Variants in DLGAP2 observed in about 807,000 individuals in gnomAD.
DLGAP2 encodes the protein disks large-associated protein 2.
Under a neutral mutation model 100.3 loss-of-function variants are expected in DLGAP2, and 26 were observed. That is an observed-to-expected ratio of 0.26 (90% CI 0.19 to 0.36). DLGAP2 has a LOEUF of 0.36. Ranked by LOEUF, DLGAP2 falls within the 10% of genes least tolerant of loss-of-function variation. The probability of loss-of-function intolerance (pLI) is 1.00; values close to 1 mark genes in which losing one functional copy is unlikely to be tolerated. For synonymous variants in DLGAP2, 886 were observed against 630.1 expected (o/e 1.41, Z -6.08); for missense variants, 1,858 against 1,453.2 (o/e 1.28, Z -4.53).
chr8:1,431,090 C>G (rs994763158), intron 3 of DLGAP2, among the ~76,000 whole-genome samples: 1 of 152,180 alleles, frequency 6.6e-6, no homozygotes, highest in Non-Finnish European at 1.5e-5. Context: ...AAATGGGAAG[C>G]AAAGGCTACT....
chr8:1,117,049 G>T (rs553236342), intron 2 of DLGAP2, among the ~76,000 whole-genome samples: 1 of 152,330 alleles, frequency 6.6e-6, no homozygotes, highest in African/African-American at 2.4e-5. Context: ...CTTCTCTGCA[G>T]GATCCCAAAG....
Position 1,678,410 on chromosome 8 carries a change from T to C in DLGAP2, c.2485T>C (p.Tyr829His), listed in dbSNP as rs1798862433. ...TGTACGGACCCAGGGGCTCTTCAGC[T>C]ATAGAGAAGACTATCGGACCCAAGT... Reference protein sequence around the residue: ...RTVRTQGLFSYREDYRTQVDT... With the variant: ...RTVRTQGLFSHREDYRTQVDT... Residue 829 changes from tyrosine to histidine, a missense_variant, in exon 12 of 15, where the codon TAT (tyrosine) becomes CAT (histidine). Transcript: ENST00000637795. 1 of 1,613,660 alleles carries C rather than the reference T, an allele frequency of 6.2e-7. No homozygotes were observed. Among genetic ancestry groups the C allele is most frequent in the South Asian group, 1.1e-5 (1 of 91,068 alleles).
intron 8 of DLGAP2, among the ~76,000 whole-genome samples, chr8:1,651,873 G>A (rs1336636925): frequency 6.6e-6 from 1 of 152,164 alleles, no homozygotes; most frequent in African/African-American, 2.4e-5. Context: ...CCCGAGGCAA[G>A]CCCCGCCTGC....
intron 2 of DLGAP2, among the ~76,000 whole-genome samples, chr8:1,139,895 G>C (rs1796492052): frequency 6.6e-6 from 1 of 152,118 alleles, no homozygotes; most frequent in South Asian, 2.1e-4. Context: ...GGAAATCGGG[G>C]GGAAGTGAGG....
intron 3 of DLGAP2, among the ~76,000 whole-genome samples, chr8:1,424,945 T>C (rs1040770516): frequency 6.6e-6 from 1 of 152,142 alleles, no homozygotes; most frequent in African/African-American, 2.4e-5. Flanking sequence ...TCTGGAGATA[T>C]TGGCAGTGAT....
At chr8:1,417,714 G>A (rs5024507) in intron 3 of DLGAP2, among the ~76,000 whole-genome samples, 80,660 of 99,474 alleles carry the variant, frequency 0.81, 32,742 homozygotes, top group East Asian at 0.97. Flanking sequence ...TGCCTCACTC[G>A]GCGAGGCTCC....
chr8:1,663,023 TGTGA>T (rs1446726206), intron 8 of DLGAP2, among the ~76,000 whole-genome samples: 1 of 132,786 alleles, frequency 7.5e-6, no homozygotes, highest in African/African-American at 2.9e-5. Flanking sequence ...TGTATACCTG[TGTGA>T]GTGTGGGGGA....
intron 3 of DLGAP2, among the ~76,000 whole-genome samples, chr8:1,285,708 C>G (rs544107573): frequency 6.6e-6 from 1 of 152,186 alleles, no homozygotes; most frequent in Admixed American, 6.5e-5. Context: ...CTGGCTCATG[C>G]CTGTAATCCC....
At chr8:1,246,375 A>G (rs1315824524) in intron 2 of DLGAP2, among the ~76,000 whole-genome samples, 1 of 152,110 alleles carries the variant, frequency 6.6e-6, no homozygotes, top group Non-Finnish European at 1.5e-5. Context: ...CCGCTTTCCC[A>G]TCTCCAGCTT....
intron 3 of DLGAP2, among the ~76,000 whole-genome samples, chr8:1,280,230 C>G (rs1799789252): frequency 6.6e-6 from 1 of 152,104 alleles, no homozygotes; most frequent in African/African-American, 2.4e-5. Flanking sequence ...TTTGATTGAT[C>G]AAATCTCATG....
In DLGAP2 at chr8:1,702,305, G is replaced by A. The variant is rs1456457577; in HGVS notation, c.*899G>A. On this transcript the variant is annotated 3_prime_UTR_variant, in exon 15 of 15. Transcript: ENST00000637795. ...TTACGCTACATGTGATTTTTTTAAT[G>A]TATGTATATATATATATTCTCAAAT... The A allele has an allele frequency of 6.6e-6, 1 of 151,646 alleles. No homozygotes were observed. Among genetic ancestry groups the A allele is most frequent in the Non-Finnish European group, 1.5e-5 (1 of 67,946 alleles). The allele number at this position is 151,646 out of a possible 1,614,324, so 9.4% of individuals were successfully genotyped here.
At chr8:1,096,768 T>C (rs1804386006) in intron 2 of DLGAP2, among the ~76,000 whole-genome samples, 1 of 129,606 alleles carries the variant, frequency 7.7e-6, no homozygotes, top group Non-Finnish European at 1.6e-5. Flanking sequence ...GGGGCAGGCC[T>C]TCACCCTCTG....
chr8:743,963 C>G (rs995265045), intron 1 of DLGAP2, among the ~76,000 whole-genome samples: 2 of 152,254 alleles, frequency 1.3e-5, no homozygotes, highest in Non-Finnish European at 2.9e-5. Context: ...GGATTCACGT[C>G]GTGTGTCCTG....
chr8:1,195,218 G>GGGGCT (rs1376594969), intron 2 of DLGAP2, among the ~76,000 whole-genome samples: 2 of 152,196 alleles, frequency 1.3e-5, no homozygotes, highest in Non-Finnish European at 2.9e-5. Context: ...AGCTGGGACT[G>GGGGCT]GGGCTGCTGG....
intron 2 of DLGAP2, among the ~76,000 whole-genome samples, chr8:980,617 A>G (rs754297693): frequency 6.6e-6 from 1 of 152,208 alleles, no homozygotes; most frequent in Non-Finnish European, 1.5e-5. Context: ...CTCTGTTGAC[A>G]CAGAGGTGAA....
At chr8:1,290,265 G>A (rs1281504628) in intron 3 of DLGAP2, among the ~76,000 whole-genome samples, 8 of 152,182 alleles carry the variant, frequency 5.3e-5, no homozygotes, top group East Asian at 3.9e-4. Context: ...CGTCCGTCGC[G>A]CTCCTGACGT....
chr8:1,358,702 C>G (rs888990195), intron 3 of DLGAP2, among the ~76,000 whole-genome samples: 2 of 152,038 alleles, frequency 1.3e-5, no homozygotes, highest in East Asian at 1.9e-4. Flanking sequence ...AACGTGTTAT[C>G]CCCACTGTGT....
chr8:1,595,859 AGTAATTTTTT>A (rs1796441432), intron 6 of DLGAP2, among the ~76,000 whole-genome samples: 1 of 150,414 alleles, frequency 6.6e-6, no homozygotes, highest in African/African-American at 2.4e-5. Flanking sequence ...TTTTTTTAAT[AGTAATTTTTT>A]TTTAATTTTA....
chr8:930,341 T>G (rs1033380280), intron 2 of DLGAP2, among the ~76,000 whole-genome samples: 4 of 152,160 alleles, frequency 2.6e-5, no homozygotes, highest in African/African-American at 9.7e-5. Flanking sequence ...ATGTTGTCTC[T>G]GCTTTAGGGG....
Sources: gnomAD v4.1 joint callset for allele counts (sites outside exome capture counted in the v4.1 genomes callset) on GRCh38, gnomAD v4.1.1 for gene constraint, MANE v1.5 for transcripts, NCBI Gene and HGNC (gene_info 2026-07-23, HGNC 2026-07-21) for gene names.